KIR2DL3: variants seen among roughly 807,000 people sequenced by gnomAD.
KIR2DL3 encodes the protein killer cell immunoglobulin like receptor, two Ig domains and long cytoplasmic tail 3.
In KIR2DL3, 39 loss-of-function variants were observed where a neutral mutation model predicts 33.8. That is an observed-to-expected ratio of 1.15 (90% CI 0.89 to 1.51). The LOEUF (loss-of-function observed/expected upper bound fraction) is 1.51. KIR2DL3 is among the 40% of genes most tolerant of loss of function. The pLI, the probability that KIR2DL3 is intolerant of heterozygous loss-of-function variation, is 0.00. For synonymous variants in KIR2DL3, 174 were observed against 160.2 expected, an observed-to-expected ratio of 1.09 and a Z score of -0.65; for missense variants, 462 against 426.2, an observed-to-expected ratio of 1.08 and a Z score of -0.74.
intron 4 of KIR2DL3, among the ~76,000 whole-genome samples, chr19:54,744,833 C>G (rs2071993951): frequency 7.1e-6 from 1 of 140,008 alleles, no homozygotes; most frequent in Non-Finnish European, 1.5e-5. Flanking sequence ...CCACATTTAC[C>G]ATTTTTAAGT....
intron 5 of KIR2DL3, among the ~76,000 whole-genome samples, chr19:54,750,311 C>T (rs749345265): frequency 2.8e-5 from 4 of 140,528 alleles, no homozygotes; most frequent in Non-Finnish European, 6.2e-5. Flanking sequence ...TCCTGCTCCC[C>T]TTTCCTACTA....
At chr19:54,743,478 G>C (rs2071584188) in intron 3 of KIR2DL3, among the ~76,000 whole-genome samples, 1 of 152,358 alleles carries the variant, frequency 6.6e-6, no homozygotes, top group South Asian at 2.1e-4. Context: ...TATGCAGAAA[G>C]TTATGAACAG....
intron 5 of KIR2DL3, among the ~76,000 whole-genome samples, chr19:54,748,741 C>T (rs2072962448): frequency 6.9e-6 from 1 of 144,072 alleles, no homozygotes; most frequent in Non-Finnish European, 1.5e-5. Context: ...CCTGCCTCCG[C>T]CTCTCGAGTA....
At chr19:54,747,446 G>GCAGGCATTGACTCAGCATCT in intron 5 of KIR2DL3, 61 bp downstream of exon 5, 1 of 1,438,282 alleles carries the variant, frequency 7.0e-7, no homozygotes, top group Non-Finnish European at 9.5e-7. Context: ...AACCTTCGAT[G>GCAGGCATTGACTCAGCATCT]CAGGCATTGA....
At chr19:54,745,279 T>C (rs1435134173) in intron 4 of KIR2DL3, among the ~76,000 whole-genome samples, 1 of 152,206 alleles carries the variant, frequency 6.6e-6, no homozygotes, top group African/African-American at 2.4e-5. Context: ...ATCACTTCGA[T>C]ATATTGATTT....
chr19:54,744,924 A>ATATATATGTG (rs1433758188), intron 4 of KIR2DL3, among the ~76,000 whole-genome samples: 15 of 14,234 alleles, frequency 1.1e-3, no homozygotes, highest in South Asian at 5.4e-3. Context: ...ATATAAACAT[A>ATATATATGTG]TATATATATA....
chr19:54,739,448 C>A (rs374283457), intron 1 of KIR2DL3, 59 bp from the exon 2 acceptor site: 2 of 1,421,454 alleles, frequency 1.4e-6, no homozygotes, highest in Admixed American at 1.9e-5. Context: ...CCAGTGGGGG[C>A]AGCAAGGGAG....
At chr19:54,751,618 A>G (rs1305590486) in intron 5 of KIR2DL3, 31 bp from the exon 6 acceptor site, 1 of 1,448,156 alleles carries the variant, frequency 6.9e-7, no homozygotes, top group Non-Finnish European at 9.4e-7. Flanking sequence ...TGCTATGATT[A>G]GCTTCTTATT....
Position 54,752,287 on chromosome 19 carries a change from A to C in KIR2DL3, c.873+19A>C, listed in dbSNP as rs2365231. On this transcript the variant is annotated intron_variant, in intron 7 of 7. Transcript: ENST00000342376. The stretch of plus-strand genomic sequence containing the variant: ...CAGGGAGGTAGGTGCTCCTCGGCCC[A>C]GCCTCGTGGCTAGTGTTATTCCCAA... 1.5e-5 allele frequency: 22 copies of C among 1,485,190 alleles called. 5 individuals carry two copies. In the South Asian group the frequency reaches 2.6e-4, roughly 17 times the overall value. 92.0% of individuals were successfully genotyped at this position (1,485,190 alleles called of 1,614,324 possible). A position where few individuals can be genotyped will look rare whatever the true frequency, so the allele number is the denominator to read the frequency against.
intron 3 of KIR2DL3, among the ~76,000 whole-genome samples, chr19:54,742,821 G>A (rs1363657205): frequency 6.6e-6 from 1 of 151,042 alleles, no homozygotes; most frequent in Non-Finnish European, 1.5e-5. Flanking sequence ...GTGGTCTCCA[G>A]ACTGGATTCT....
rs1168176668 is a variant in KIR2DL3, at chr19:54,750,896, C to A, written c.716-753C>A. Among the ~76,000 whole-genome samples the A allele has an allele frequency of 6.8e-5, 9 of 133,126 alleles. 3 individuals carry two copies. The highest frequency in any genetic ancestry group is 1.5e-4 in the Non-Finnish European group (9 of 60,758). The allele number at this position is 133,126 out of a possible 152,430, so 87.3% of individuals were successfully genotyped here. A position where few individuals can be genotyped will look rare whatever the true frequency, so the allele number is the denominator to read the frequency against. ...AGAGCAGCCCAGCCTGGGTTTTGTA[C>A]TGTGGAGCCACAGGAAGCACTCAGC... On this transcript the variant is annotated intron_variant, in intron 5 of 7. Coordinates refer to ENST00000342376, the MANE Select transcript of KIR2DL3 (RefSeq NM_015868.3).
intron 2 of KIR2DL3, among the ~76,000 whole-genome samples, chr19:54,739,948 C>T (rs1455599819): frequency 6.6e-6 from 1 of 151,936 alleles, no homozygotes; most frequent in Non-Finnish European, 1.5e-5. Context: ...TGTTTATTTT[C>T]GTTCAGGCAT....
At chr19:54,749,107 T>A (rs1363554454) in intron 5 of KIR2DL3, among the ~76,000 whole-genome samples, 1 of 151,870 alleles carries the variant, frequency 6.6e-6, no homozygotes, top group Non-Finnish European at 1.5e-5. Flanking sequence ...AACAATCTGA[T>A]GTGGAAGGAA....
At chr19:54,740,870 G>C (rs529631295) in intron 2 of KIR2DL3, among the ~76,000 whole-genome samples, 4 of 152,028 alleles carry the variant, frequency 2.6e-5, no homozygotes, top group Non-Finnish European at 4.4e-5. Context: ...GGAGGAGGAA[G>C]AGGGGAGTGG....
intron 1 of KIR2DL3, among the ~76,000 whole-genome samples, chr19:54,738,929 G>A (rs878896526): frequency 8.1e-5 from 4 of 49,494 alleles, no homozygotes; most frequent in South Asian, 8.5e-4. Context: ...TGGGCCTGGA[G>A]GTGGAGATAT....
Position 54,742,119 on chromosome 19 carries a change from G to A in KIR2DL3, c.210G>A (p.Leu70=), listed in dbSNP as rs1291038141. The part of the protein sequence containing the change: ...LHREGKFKDT[L]HLIGEHHDGV... ...GAGAAGGGAAGTTTAAGGACACTTT[G>A]CACCTCATTGGAGAGCACCATGATG... Residue 70 remains leucine (L), a synonymous_variant, in exon 3 of 8, where the codon TTG becomes TTA. Transcript: ENST00000342376. 7.4e-6 allele frequency: 12 copies of A among 1,613,874 alleles called. No homozygotes were observed. Among genetic ancestry groups the A allele is most frequent in the South Asian group, 2.2e-5 (2 of 91,076 alleles).
intron 4 of KIR2DL3, among the ~76,000 whole-genome samples, chr19:54,745,821 T>C (rs1361341437): frequency 5.5e-4 from 81 of 147,172 alleles, no homozygotes; most frequent in African/African-American, 2.0e-3. Flanking sequence ...TTTTATTTCA[T>C]TTTATTTTGA....
Position 54,742,090 on chromosome 19 carries a change from C to A in KIR2DL3, c.181C>A (p.His61Asn), listed in dbSNP as rs1186986120. The A allele has an allele frequency of 5.6e-6, 9 of 1,613,634 alleles. No homozygotes were observed. Among genetic ancestry groups the A allele is most frequent in the Non-Finnish European group, 7.6e-6 (9 of 1,179,900 alleles). Reference protein sequence around the residue: ...SDVRFQHFLLHREGKFKDTLH... With the variant: ...SDVRFQHFLLNREGKFKDTLH... ...TGTCAGGTTTCAGCACTTCCTTCTG[C>A]ACAGAGAAGGGAAGTTTAAGGACAC... is the stretch of plus-strand genomic sequence containing the variant. The change falls in exon 3 of 8, where the codon CAC (histidine) becomes AAC (asparagine). Residue 61 changes from histidine (H) to asparagine (N), a missense_variant. His to Asn is a moderately conservative substitution (Grantham distance 68). Transcript: ENST00000342376.
At chr19:54,739,759 G>C (rs2070660180) in intron 2 of KIR2DL3, among the ~76,000 whole-genome samples, 1 of 151,192 alleles carries the variant, frequency 6.6e-6, no homozygotes, top group Admixed American at 6.6e-5. Context: ...CTCAAAGCTG[G>C]GGTGTGTGGT....
Sources: gnomAD v4.1 joint callset for allele counts (sites outside exome capture counted in the v4.1 genomes callset) on GRCh38, gnomAD v4.1.1 for gene constraint, MANE v1.5 for transcripts, NCBI Gene and HGNC (gene_info 2026-07-23, HGNC 2026-07-21) for gene names.